Variants in GALNT13 observed in about 807,000 individuals in gnomAD.
GALNT13 encodes polypeptide N-acetylgalactosaminyltransferase 13, also known as UDP-GalNAc:polypeptide N-acetylgalactosaminyltransferase 13.
In GALNT13, 28 loss-of-function variants were observed where a neutral mutation model predicts 64.2. That is an observed-to-expected ratio of 0.44 (90% CI 0.32 to 0.60). The LOEUF is 0.60. GALNT13 is among the 20% of genes least tolerant of loss of function. The probability of loss-of-function intolerance (pLI) is 0.05; values close to 1 mark genes in which losing one functional copy is unlikely to be tolerated. For missense variants in GALNT13, 577 were observed against 669.8 expected (o/e 0.86, Z 1.53); for synonymous variants, 214 against 224.6 (o/e 0.95, Z 0.42).
At chr2:153,082,089 T>C in the GALNT13 span, among the ~76,000 whole-genome samples, 2 of 152,184 alleles carry the variant, frequency 1.3e-5, no homozygotes, top group African/African-American at 2.4e-5. Flanking sequence ...TAATGCCTCA[T>C]TGTAGTTTTG....
chr2:153,673,144 T>C, the GALNT13 span, among the ~76,000 whole-genome samples: 1 of 152,168 alleles, frequency 6.6e-6, no homozygotes, highest in Admixed American at 6.6e-5. Flanking sequence ...GATGAGCTGG[T>C]ACCATTCCTT....
At chr2:154,048,217 C>A (rs13414624) in intron 3 of GALNT13, among the ~76,000 whole-genome samples, 7,245 of 152,178 alleles carry the variant, frequency 0.048, 325 homozygotes, top group African/African-American at 0.12. Context: ...AAGAACAGCA[C>A]TAGGGGATGG....
chr2:153,082,606 TATATATATATATACACAC>T, the GALNT13 span, among the ~76,000 whole-genome samples: 196 of 44,732 alleles, frequency 4.4e-3, no homozygotes, highest in African/African-American at 8.1e-3. Context: ...TATATATATA[TATATATATATATACACAC>T]ACACACACAC....
intron 12 of GALNT13, among the ~76,000 whole-genome samples, chr2:154,445,032 A>G (rs1701496186): frequency 6.6e-6 from 1 of 152,072 alleles, no homozygotes; most frequent in Non-Finnish European, 1.5e-5. Context: ...TTCAAACAGT[A>G]TACTGAGAAA....
intron 3 of GALNT13, among the ~76,000 whole-genome samples, chr2:154,028,490 C>A (rs1292971712): frequency 1.3e-5 from 2 of 152,022 alleles, no homozygotes; most frequent in Non-Finnish European, 1.5e-5. Flanking sequence ...TAAAGATGCA[C>A]TTTTTAAAAC....
At chr2:154,206,600 G>T (rs1559024532) in intron 4 of GALNT13, among the ~76,000 whole-genome samples, 1 of 151,874 alleles carries the variant, frequency 6.6e-6, no homozygotes, top group African/African-American at 2.4e-5. Context: ...TTCGAGACCA[G>T]CCTGACCAAC....
chr2:154,231,712 C>T (rs1165369504), intron 4 of GALNT13, among the ~76,000 whole-genome samples: 1 of 150,074 alleles, frequency 6.7e-6, no homozygotes, highest in Admixed American at 6.6e-5. Flanking sequence ...GTGTTGAATT[C>T]ACTGGGCCAT....
chr2:154,385,424 T>G (rs1405572622), intron 9 of GALNT13, among the ~76,000 whole-genome samples: 1 of 151,932 alleles, frequency 6.6e-6, no homozygotes, highest in Admixed American at 6.6e-5. Context: ...TTATAGGTTT[T>G]TCAAACTTCC....
At chr2:153,503,575 G>A in the GALNT13 span, among the ~76,000 whole-genome samples, 18 of 152,010 alleles carry the variant, frequency 1.2e-4, no homozygotes, top group Non-Finnish European at 1.5e-5. Context: ...TGAGTAGCTG[G>A]GATTACAGGT....
In GALNT13 at chr2:154,042,189, C is replaced by T. The variant is rs575749015; in HGVS notation, c.142+97550C>T. Among the ~76,000 whole-genome samples, 7 of 139,884 alleles carry T rather than the reference C, an allele frequency of 5.0e-5. 1 individual carries two copies. The highest frequency in any genetic ancestry group is 1.7e-4 in the African/African-American group (7 of 40,868). 91.8% of individuals were successfully genotyped at this position (139,884 alleles called of 152,430 possible). ...TGGAAAGAACACTAGAGGAGGACCCCTGAATATCCATTTTCACTTAACTTA... is the reference window on the plus strand; with the variant it reads ...TGGAAAGAACACTAGAGGAGGACCCTTGAATATCCATTTTCACTTAACTTA... On this transcript the variant is annotated intron_variant, in intron 3 of 12. Transcript: ENST00000392825.
At chr2:153,905,060 A>G (rs546367303) in intron 2 of GALNT13, among the ~76,000 whole-genome samples, 2 of 152,094 alleles carry the variant, frequency 1.3e-5, no homozygotes, top group Admixed American at 6.6e-5. Flanking sequence ...CTTTTTAAAT[A>G]TTCTTAATAT....
chr2:153,942,151 A>C (rs1308839835), intron 2 of GALNT13, among the ~76,000 whole-genome samples: 1 of 152,090 alleles, frequency 6.6e-6, no homozygotes, highest in Non-Finnish European at 1.5e-5. Context: ...CGATTTTTTA[A>C]ATTCTTTATC....
the GALNT13 span, among the ~76,000 whole-genome samples, chr2:153,806,550 G>GCCAATGTCA: frequency 6.6e-6 from 1 of 151,830 alleles, no homozygotes; most frequent in Non-Finnish European, 1.5e-5. Context: ...ATCAACAGCT[G>GCCAATGTCA]CCAATGTCAC....
At chr2:153,162,959 A>G in the GALNT13 span, among the ~76,000 whole-genome samples, 5 of 152,170 alleles carry the variant, frequency 3.3e-5, no homozygotes, top group African/African-American at 1.2e-4. Context: ...GCCTCTCTCA[A>G]GTCGATTGAA....
chr2:153,176,923 A>T, the GALNT13 span, among the ~76,000 whole-genome samples: 1 of 152,144 alleles, frequency 6.6e-6, no homozygotes, highest in Non-Finnish European at 1.5e-5. Context: ...AACCTATGAA[A>T]ATATACTTTA....
At chr2:153,726,483 A>G in the GALNT13 span, among the ~76,000 whole-genome samples, 1 of 152,230 alleles carries the variant, frequency 6.6e-6, no homozygotes, top group Non-Finnish European at 1.5e-5. Flanking sequence ...AGTAAATTTG[A>G]TAAAATGTAC....
At chr2:154,031,822 G>T (rs1194330327) in intron 3 of GALNT13, among the ~76,000 whole-genome samples, 1 of 151,846 alleles carries the variant, frequency 6.6e-6, no homozygotes, top group Non-Finnish European at 1.5e-5. Flanking sequence ...TTGGAAGGCT[G>T]TAACAGTCCT....
At chr2:153,968,609 C>A (rs1693536977) in intron 3 of GALNT13, among the ~76,000 whole-genome samples, 1 of 152,092 alleles carries the variant, frequency 6.6e-6, no homozygotes, top group Admixed American at 6.5e-5. Flanking sequence ...ATTTGATGTT[C>A]CTGTGGGCAA....
At chr2:153,154,510 T>C in the GALNT13 span, among the ~76,000 whole-genome samples, 1 of 152,158 alleles carries the variant, frequency 6.6e-6, no homozygotes, top group Non-Finnish European at 1.5e-5. Context: ...TTTGTGGCAG[T>C]TGTGAATGGA....
Sources: gnomAD v4.1 joint callset for allele counts (sites outside exome capture counted in the v4.1 genomes callset) on GRCh38, gnomAD v4.1.1 for gene constraint, MANE v1.5 for transcripts, NCBI Gene and HGNC (gene_info 2026-07-23, HGNC 2026-07-21) for gene names.